CNTN4: variants seen among roughly 807,000 people sequenced by gnomAD.
The protein encoded by CNTN4 is contactin-4.
A neutral mutation model predicts 122.5 loss-of-function variants in CNTN4; 77 were observed. The ratio of observed to expected loss-of-function variants is 0.63; its 90% confidence interval spans 0.52 to 0.76. CNTN4 has a LOEUF of 0.76. Ranked by LOEUF, CNTN4 falls within the 30% of genes least tolerant of loss-of-function variation. The pLI is 0.00. For synonymous variants in CNTN4, 512 were observed against 447.0 expected (o/e 1.15, Z -1.83); for missense variants, 1,256 against 1,259.1 (o/e 1.00, Z 0.04).
At chr3:2,894,731 A>C (rs976795406) in intron 10 of CNTN4, among the ~76,000 whole-genome samples, 4 of 152,134 alleles carry the variant, frequency 2.6e-5, no homozygotes, top group African/African-American at 9.7e-5. Context: ...AATATAGAGA[A>C]ATGAATCTGT....
intron 3 of CNTN4, among the ~76,000 whole-genome samples, chr3:2,365,971 C>G (rs2045359956): frequency 6.6e-6 from 1 of 152,176 alleles, no homozygotes; most frequent in South Asian, 2.1e-4. Context: ...AGCAATTTAA[C>G]TTTGCATTGT....
At chr3:2,943,240 G>T (rs1290978098) in intron 13 of CNTN4, among the ~76,000 whole-genome samples, 1 of 152,176 alleles carries the variant, frequency 6.6e-6, no homozygotes, top group African/African-American at 2.4e-5. Flanking sequence ...CTGGGTAAAA[G>T]CTACAGAGAG....
At chr3:2,939,681 T>G (rs573534401) in intron 13 of CNTN4, among the ~76,000 whole-genome samples, 105 of 152,288 alleles carry the variant, frequency 6.9e-4, no homozygotes, top group Non-Finnish European at 1.2e-3. Flanking sequence ...CTGCTAAATA[T>G]AAAACAAAGA....
At chr3:2,211,171 CA>C (rs1284772012) in intron 2 of CNTN4, among the ~76,000 whole-genome samples, 1 of 152,076 alleles carries the variant, frequency 6.6e-6, no homozygotes, top group East Asian at 1.9e-4. Flanking sequence ...CATCATATGT[CA>C]AAAGCAGAAG....
intron 3 of CNTN4, among the ~76,000 whole-genome samples, chr3:2,368,146 C>T (rs2045481538): frequency 6.6e-6 from 1 of 150,934 alleles, no homozygotes; most frequent in African/African-American, 2.4e-5. Flanking sequence ...CATTCTCCTG[C>T]CTCAGCCTCC....
chr3:2,955,741 A>T (rs956132734), intron 13 of CNTN4, among the ~76,000 whole-genome samples: 1 of 152,208 alleles, frequency 6.6e-6, no homozygotes, highest in African/African-American at 2.4e-5. Context: ...TTAAGTGGCT[A>T]TTATTGGATA....
At position 2,662,873 on chromosome 3, in the gene CNTN4, A is replaced by C. The variant is rs1576378989; in HGVS notation, c.56-73342A>C. On this transcript the variant is annotated intron_variant, in intron 4 of 24. Transcript: ENST00000418658. ...TTTGGGAGGCTGAGGTGGGTGGATC[A>C]CTTGAGATCAGGAGTTCGAGACCAG... Among the ~76,000 whole-genome samples, 4 of 152,194 alleles carry C rather than the reference A, an allele frequency of 2.6e-5. No individual in the cohort carries two copies. The South Asian group carries it at 8.3e-4, about 32-fold the overall frequency.
At chr3:2,159,047 G>A (rs1381050856) in intron 2 of CNTN4, among the ~76,000 whole-genome samples, 1 of 152,128 alleles carries the variant, frequency 6.6e-6, no homozygotes, top group African/African-American at 2.4e-5. Context: ...CAGCGAGTGG[G>A]AGAAAATGAA....
rs557861589 is a variant in CNTN4 at position 2,627,062 on chromosome 3, A to G, written c.55+55504A>G. Among the ~76,000 whole-genome samples the G allele has an allele frequency of 2.6e-5, 4 of 152,246 alleles. No individual in the cohort carries two copies. The South Asian group carries it at 8.3e-4, about 32-fold the overall frequency. ...GCCTCATCTTCTTACTAGTCTGAAC[A>G]TGTTGTTGAGGTAGGATATCCAACC... On this transcript the variant is annotated intron_variant, in intron 4 of 24. Coordinates refer to ENST00000418658, the MANE Select transcript of CNTN4 (RefSeq NM_175607.3).
intron 23 of CNTN4, among the ~76,000 whole-genome samples, chr3:3,044,760 G>T (rs1318240269): frequency 6.6e-6 from 1 of 152,208 alleles, no homozygotes; most frequent in Admixed American, 6.5e-5. Context: ...CGGACAGTGG[G>T]CGCAGGACAG....
At chr3:2,102,663 A>G (rs2032082110) in intron 2 of CNTN4, among the ~76,000 whole-genome samples, 1 of 152,148 alleles carries the variant, frequency 6.6e-6, no homozygotes, top group Admixed American at 6.5e-5. Context: ...TGGAAAGAGG[A>G]AGACTTGGGA....
chr3:2,933,379 A>C (rs2094541515), intron 13 of CNTN4, among the ~76,000 whole-genome samples: 1 of 152,156 alleles, frequency 6.6e-6, no homozygotes, highest in Non-Finnish European at 1.5e-5. Flanking sequence ...GGGGCTCACA[A>C]GGAATTTCAT....
Position 2,571,494 on chromosome 3 carries a change from GA to G in CNTN4, c.-7del. ...GGACTTGAAACTCCCTTTGACCTCG[GA>G]AACTGAAGATGAGGTTGCCATGGGA... On this transcript the variant is annotated 5_prime_UTR_variant, in exon 4 of 25. Coordinates refer to ENST00000418658, the MANE Select transcript of CNTN4 (RefSeq NM_175607.3). 1 of 1,611,346 alleles carries G rather than the reference GA, an allele frequency of 6.2e-7. No individual in the cohort carries two copies. Among genetic ancestry groups the G allele is most frequent in the African/African-American group, 1.3e-5 (1 of 74,988 alleles).
intron 7 of CNTN4, among the ~76,000 whole-genome samples, chr3:2,827,168 G>T (rs2093004421): frequency 6.6e-6 from 1 of 152,114 alleles, no homozygotes; most frequent in African/African-American, 2.4e-5. Flanking sequence ...ACTTTCCTCA[G>T]GAAGCAGTCC....
At chr3:2,707,036 A>C (rs2086782211) in intron 4 of CNTN4, among the ~76,000 whole-genome samples, 1 of 152,100 alleles carries the variant, frequency 6.6e-6, no homozygotes, top group Non-Finnish European at 1.5e-5. Flanking sequence ...AGAGTGGCTC[A>C]TGCTTGTAGT....
intron 3 of CNTN4, among the ~76,000 whole-genome samples, chr3:2,397,511 T>G (rs2046683753): frequency 6.6e-6 from 1 of 152,130 alleles, no homozygotes; most frequent in East Asian, 1.9e-4. Flanking sequence ...TTTAGCAGTT[T>G]CTGGATATTT....
At chr3:2,768,877 G>A (rs1279534031) in intron 6 of CNTN4, among the ~76,000 whole-genome samples, 1 of 152,190 alleles carries the variant, frequency 6.6e-6, no homozygotes, top group East Asian at 1.9e-4. Flanking sequence ...TGTAGAATGT[G>A]AAGCTCAGAA....
At chr3:2,822,536 C>G (rs72622142) in intron 7 of CNTN4, among the ~76,000 whole-genome samples, 10,973 of 152,210 alleles carry the variant, frequency 0.072, 955 homozygotes, top group East Asian at 0.44. Flanking sequence ...AATATGGAAT[C>G]TGATCAAAAT....
At chr3:3,014,046 GTA>G (rs939512240) in intron 14 of CNTN4, among the ~76,000 whole-genome samples, 1 of 87,732 alleles carries the variant, frequency 1.1e-5, no homozygotes, top group East Asian at 3.5e-4. Context: ...ACATTTAAAT[GTA>G]CACACACACA....
Sources: gnomAD v4.1 joint callset for allele counts (sites outside exome capture counted in the v4.1 genomes callset) on GRCh38, gnomAD v4.1.1 for gene constraint, MANE v1.5 for transcripts, NCBI Gene and HGNC (gene_info 2026-07-23, HGNC 2026-07-21) for gene names.